The following INPP5B variants were observed in gnomAD, a reference collection of about 807,000 sequenced individuals.
The protein encoded by INPP5B is type II inositol 1,4,5-trisphosphate 5-phosphatase.
A neutral mutation model predicts 118.5 loss-of-function variants in INPP5B; 90 were observed. The ratio of observed to expected loss-of-function variants is 0.76; its 90% CI spans 0.64 to 0.90. The LOEUF is 0.90. INPP5B is among the 40% of genes least tolerant of loss of function. The pLI is 0.00. For synonymous variants in INPP5B, 385 were observed against 418.9 expected (o/e 0.92, Z 0.99); for missense variants, 984 against 1,125.6 (o/e 0.87, Z 1.80).
chr1:37,943,619 C>G, intron 5 of INPP5B, 21 bp downstream of exon 5: 1 of 1,613,752 alleles, frequency 6.2e-7, no homozygotes. Flanking sequence ...GAGTGGGACC[C>G]AGACCAAGAG....
rs553825155 is a variant in INPP5B at position 37,899,640 on chromosome 1, G to C, written c.533-8186C>G. Among the ~76,000 whole-genome samples the C allele has an allele frequency of 1.3e-3, 196 of 152,050 alleles. 1 individual carries two copies. Among genetic ancestry groups the C allele is most frequent in the African/African-American group, 4.2e-3 (175 of 41,486 alleles). On this transcript the variant is annotated intron_variant, in intron 7 of 23. Coordinates refer to ENST00000373024, the MANE Select transcript of INPP5B (RefSeq NM_005540.3). ...CCTAACAGTTCTACTTAAGTAGTTA[G>C]GGCCAAATAAGTATTTAAGTCCTAA...
At chr1:37,865,048 A>AT (rs1641945571) in intron 22 of INPP5B, among the ~76,000 whole-genome samples, 1 of 152,110 alleles carries the variant, frequency 6.6e-6, no homozygotes, top group Admixed American at 6.5e-5. Flanking sequence ...TTAGCCAGGC[A>AT]TGGTGGTGCA....
intron 15 of INPP5B, 36 bp from the exon 16 acceptor site, chr1:37,878,359 A>C (rs779810796): frequency 6.2e-7 from 1 of 1,611,532 alleles, no homozygotes; most frequent in South Asian, 1.1e-5. Flanking sequence ...GTACTCACAG[A>C]AACAGCAGTG....
intron 6 of INPP5B, among the ~76,000 whole-genome samples, chr1:37,940,008 C>T (rs1645855655): frequency 2.0e-5 from 3 of 152,164 alleles, no homozygotes; most frequent in Admixed American, 2.0e-4. Context: ...GAGGCTCAGG[C>T]TCCACAGCAA....
intron 22 of INPP5B, among the ~76,000 whole-genome samples, chr1:37,865,312 C>T (rs1378562249): frequency 6.6e-6 from 1 of 152,184 alleles, no homozygotes; most frequent in African/African-American, 2.4e-5. Context: ...CATAGAACGT[C>T]TTCAATATTT....
At chr1:37,874,554 T>C (rs1002585035) in intron 17 of INPP5B, among the ~76,000 whole-genome samples, 2 of 152,108 alleles carry the variant, frequency 1.3e-5, no homozygotes, top group Non-Finnish European at 2.9e-5. Context: ...TCCTAGCAGT[T>C]TGGGAGGCCG....
At position 37,932,363 on chromosome 1, in the gene INPP5B, C is replaced by CTTTTTTTT. The variant is rs58150703; in HGVS notation, c.392-318_392-311dup. On this transcript the variant is annotated intron_variant, in intron 6 of 23. Transcript: ENST00000373024. The stretch of plus-strand genomic sequence containing the variant: ...TATTATCCCAATTTTCTTTTCTTTT[C>CTTTTTTTT]TTTTTTTTTTTTTTTTTTTTTTTGA... Among the ~76,000 whole-genome samples, 65 of 87,774 alleles carry CTTTTTTTT rather than the reference C, an allele frequency of 7.4e-4. 1 individual carries two copies. The highest frequency in any genetic ancestry group is 1.3e-3 in the African/African-American group (29 of 23,130). 57.6% of individuals were successfully genotyped at this position (87,774 alleles called of 152,430 possible). A position where few individuals can be genotyped will look rare whatever the true frequency, so the allele number is the denominator to read the frequency against.
rs927462865 is a variant in INPP5B, at chr1:37,884,246, T to G, written c.1320-1328A>C. The G allele has an allele frequency of 2.6e-5, 4 of 152,282 alleles. No individual in the cohort carries two copies. In the South Asian group the frequency reaches 8.3e-4, roughly 32 times the overall value. 9.4% of individuals were successfully genotyped at this position (152,282 alleles called of 1,614,324 possible). ...AAAAAAAAGAAATCTTAAGCAGAACTCAGACTACAATATAGCCGTCAACTG... is the reference window on the plus strand; with the variant it reads ...AAAAAAAAGAAATCTTAAGCAGAACGCAGACTACAATATAGCCGTCAACTG... On this transcript the variant is annotated intron_variant, in intron 13 of 23. Transcript: ENST00000373024.
At position 37,943,663 on chromosome 1, in the gene INPP5B, G is replaced by C. The variant is rs779366151; in HGVS notation, c.257C>G (p.Pro86Arg). 6.2e-7 allele frequency: 1 copy of C among 1,614,038 alleles called. No individual in the cohort carries two copies. The highest frequency in any genetic ancestry group is 2.2e-5 in the East Asian group (1 of 44,870). The change falls in exon 5 of 24, where the codon CCA (proline) becomes CGA (arginine). Residue 86 changes from proline (P) to arginine (R), a missense_variant. Pro to Arg is a moderately radical substitution (Grantham distance 103). Transcript: ENST00000373024. ...ACCAAGGATGTAGAGTTCACCATCT[G>C]GGGACACTGTGGGGAGGGAAATGAG... is the stretch of plus-strand genomic sequence containing the variant. ...SRDFTLEEVS[P>R]DGELYILGSD...
In INPP5B at chr1:37,866,475, T is replaced by G. The variant is rs764149898; in HGVS notation, c.2370A>C (p.Gly790=). The G allele has an allele frequency of 1.3e-6, 2 of 1,583,354 alleles. No homozygotes were observed. Among genetic ancestry groups the G allele is most frequent in the East Asian group, 4.5e-5 (2 of 44,010 alleles). The change falls in exon 21 of 24, where the codon GGA becomes GGC. Residue 790 remains glycine, a synonymous_variant. Transcript: ENST00000373024. The part of the protein sequence containing the change: ...FEHIRDCLDT[G]MIDNLSASNH... The stretch of plus-strand genomic sequence containing the variant: ...GAAGGATACAGAGGTTATCAATCAT[T>G]CCAGTATCCAAGCAGTCCCTGATAT...
At position 37,862,040 on chromosome 1, in the gene INPP5B, TAAAA is replaced by T. The variant is rs1228991188; in HGVS notation, c.*271_*274del. 1 of 296,892 alleles carries T rather than the reference TAAAA, an allele frequency of 3.4e-6. No homozygotes were observed. The highest frequency in any genetic ancestry group is 2.2e-5 in the African/African-American group (1 of 45,096). The allele number at this position is 296,892 out of a possible 1,614,324, so 18.4% of individuals were successfully genotyped here. A position where few individuals can be genotyped will look rare whatever the true frequency, so the allele number is the denominator to read the frequency against. Reference sequence around the variant, plus strand: ...GACAGAGCAAAACTCCGTCTCAAAATAAAAAAAAATAAAAAATAAAAAAATCTGT... The same window carrying T: ...GACAGAGCAAAACTCCGTCTCAAAATAAAAATAAAAAATAAAAAAATCTGT... On this transcript the variant is annotated 3_prime_UTR_variant, in exon 24 of 24. Coordinates refer to ENST00000373024, the MANE Select transcript of INPP5B (RefSeq NM_005540.3).
intron 19 of INPP5B, chr1:37,870,038 A>C (rs1369495761): frequency 6.6e-6 from 1 of 152,176 alleles, no homozygotes; most frequent in Admixed American, 6.5e-5. Context: ...TTTAAAAAAA[A>C]ACAAAAGAAT....
rs1397586411 is a variant in INPP5B, at chr1:37,945,933, G to GC, written c.58-84dup. The GC allele has an allele frequency of 4.5e-5, 57 of 1,275,046 alleles. 1 individual carries two copies. Among genetic ancestry groups the GC allele is most frequent in the South Asian group, 1.4e-4 (11 of 78,454 alleles). The allele number at this position is 1,275,046 out of a possible 1,614,324, so 79.0% of individuals were successfully genotyped here. A position where few individuals can be genotyped will look rare whatever the true frequency, so the allele number is the denominator to read the frequency against. On this transcript the variant is annotated intron_variant, in intron 2 of 23. Coordinates refer to ENST00000373024, the MANE Select transcript of INPP5B (RefSeq NM_005540.3). ...TGTCCCACCTTCCCTCTGTTCCCCT[G>GC]CCCCCCCAGATTCACTGTGTGGCCT...
intron 20 of INPP5B, 146 bp downstream of exon 20, chr1:37,868,355 T>C (rs938354926): frequency 1.2e-5 from 7 of 594,690 alleles, no homozygotes; most frequent in South Asian, 8.4e-5. Flanking sequence ...CCCAGGAGTG[T>C]GAAACATGGC....
At chr1:37,940,103 A>T (rs1401541718) in intron 6 of INPP5B, among the ~76,000 whole-genome samples, 1 of 152,130 alleles carries the variant, frequency 6.6e-6, no homozygotes, top group African/African-American at 2.4e-5. Flanking sequence ...GTGGGTAAAC[A>T]TTTAAGCCCC....
chr1:37,889,500 T>C, intron 9 of INPP5B, 57 bp downstream of exon 9: 1 of 1,401,116 alleles, frequency 7.1e-7, no homozygotes, highest in Non-Finnish European at 9.9e-7. Flanking sequence ...GTGCTCAAAT[T>C]CCAGAGTGCC....
chr1:37,896,705 G>C (rs375186383), intron 7 of INPP5B, among the ~76,000 whole-genome samples: 2 of 94,592 alleles, frequency 2.1e-5, no homozygotes, highest in Admixed American at 1.0e-4. Flanking sequence ...CCGGCCAGCC[G>C]CCCCGTCCGG....
chr1:37,940,584 C>T (rs1000539574), intron 6 of INPP5B, 104 bp downstream of exon 6: 8 of 682,820 alleles, frequency 1.2e-5, no homozygotes, highest in Non-Finnish European at 2.1e-5. Flanking sequence ...CGAAAGGACA[C>T]AGAAACCATG....
At chr1:37,872,063 CAAAAAAA>C (rs34131982) in intron 19 of INPP5B, among the ~76,000 whole-genome samples, 1 of 58,222 alleles carries the variant, frequency 1.7e-5, no homozygotes. Context: ...GACTCCATCT[CAAAAAAA>C]AAAAAAAAAA....
Sources: allele counts gnomAD v4.1 joint callset (sites outside exome capture counted in the v4.1 genomes callset), GRCh38; gene constraint gnomAD v4.1.1; transcripts MANE v1.5; gene names NCBI Gene and HGNC (gene_info 2026-07-23, HGNC 2026-07-21).